Variants in ARL15 observed in about 807,000 individuals in gnomAD.
ARL15 encodes the protein ARF like GTPase 15.
In ARL15, 19 loss-of-function variants were observed where a neutral mutation model predicts 25.2. That is an observed-to-expected ratio of 0.75 (90% CI 0.53 to 1.10). The LOEUF is 1.10. Ranked by LOEUF, ARL15 falls within the 50% of genes least tolerant of loss-of-function variation. The pLI is 0.00. For synonymous variants in ARL15, 94 were observed against 86.8 expected, an observed-to-expected ratio of 1.08 and a Z score of -0.46; for missense variants, 220 against 246.0, an observed-to-expected ratio of 0.89 and a Z score of 0.71.
intron 2 of ARL15, among the ~76,000 whole-genome samples, chr5:54,170,567 G>A (rs1754686577): frequency 6.6e-6 from 1 of 152,166 alleles, no homozygotes; most frequent in Admixed American, 6.6e-5. Flanking sequence ...GTTTCTAGGA[G>A]TTGCCAATCT....
intron 1 of ARL15, among the ~76,000 whole-genome samples, chr5:54,280,880 A>G (rs1201139457): frequency 1.3e-5 from 2 of 152,110 alleles, no homozygotes; most frequent in Non-Finnish European, 2.9e-5. Context: ...TCTGATTAGA[A>G]AAGTCCTTCA....
At chr5:54,055,955 C>T (rs10052688) in intron 4 of ARL15, among the ~76,000 whole-genome samples, 3,277 of 152,196 alleles carry the variant, frequency 0.022, 94 homozygotes, top group African/African-American at 0.058. Context: ...ATGGCAGTTA[C>T]CAGAATTTGA....
chr5:53,902,537 T>A lies in ARL15; in HGVS notation c.463-15824A>T, dbSNP rs9292034. Among the ~76,000 whole-genome samples, 627 of 152,294 alleles carry A rather than the reference T, an allele frequency of 4.1e-3. 9 individuals are homozygous for A. Among genetic ancestry groups the A allele is most frequent in the African/African-American group, 0.014 (594 of 41,562 alleles). ...GTCGGGTATGAAAAAACAACAGCAGTAGTAACAAATCAAAATGTTAATATA... is the reference window on the plus strand; with the variant it reads ...GTCGGGTATGAAAAAACAACAGCAGAAGTAACAAATCAAAATGTTAATATA... On this transcript the variant is annotated intron_variant, in intron 4 of 4. Coordinates refer to ENST00000504924, the MANE Select transcript of ARL15 (RefSeq NM_019087.3).
intron 1 of ARL15, among the ~76,000 whole-genome samples, chr5:54,197,814 G>T (rs1389866082): frequency 6.6e-6 from 1 of 152,104 alleles, no homozygotes; most frequent in African/African-American, 2.4e-5. Context: ...GCATCATCCT[G>T]ATACCAAAGC....
intron 1 of ARL15, among the ~76,000 whole-genome samples, chr5:54,303,742 G>A (rs545880306): frequency 4.0e-5 from 6 of 148,262 alleles, no homozygotes; most frequent in African/African-American, 1.5e-4. Flanking sequence ...GGAGAGGGGA[G>A]GGGAGGGGAA....
At chr5:54,209,564 G>A (rs1341251838) in intron 1 of ARL15, among the ~76,000 whole-genome samples, 1 of 152,054 alleles carries the variant, frequency 6.6e-6, no homozygotes, top group African/African-American at 2.4e-5. Flanking sequence ...ATATGGACTA[G>A]AATTGAATAT....
chr5:53,901,615 GT>G (rs34921649), intron 4 of ARL15, among the ~76,000 whole-genome samples: 8 of 76,264 alleles, frequency 1.0e-4, no homozygotes, highest in South Asian at 4.4e-4. Flanking sequence ...ATTCTTTTAA[GT>G]TTTTTTTTTA....
At chr5:54,166,937 C>T (rs779567998) in intron 2 of ARL15, among the ~76,000 whole-genome samples, 1 of 141,078 alleles carries the variant, frequency 7.1e-6, no homozygotes, top group Non-Finnish European at 1.5e-5. Context: ...AAATCCTATA[C>T]AGCTTTGTGC....
At chr5:54,304,693 T>C (rs1219567512) in intron 1 of ARL15, among the ~76,000 whole-genome samples, 1 of 152,228 alleles carries the variant, frequency 6.6e-6, no homozygotes, top group East Asian at 1.9e-4. Flanking sequence ...TTTTATCTTA[T>C]AAATTATTAA....
intron 1 of ARL15, among the ~76,000 whole-genome samples, chr5:54,192,954 G>GAGTATGT (rs1755447922): frequency 6.6e-6 from 1 of 152,096 alleles, no homozygotes; most frequent in African/African-American, 2.4e-5. Flanking sequence ...TATGTATGTA[G>GAGTATGT]GTCCAGTGAC....
At position 54,018,223 on chromosome 5, in the gene ARL15, A is replaced by G. The variant is rs532511018; in HGVS notation, c.462+94979T>C. Among the ~76,000 whole-genome samples, 10 of 152,246 alleles carry G rather than the reference A, an allele frequency of 6.6e-5. No homozygotes were observed. The South Asian group carries it at 2.1e-3, about 32-fold the overall frequency. ...CAAATGCACATTTTTTTTTCTGTGAATTTCACTTTAAAGGTTTAGTGGATT... is the reference window on the plus strand; with the variant it reads ...CAAATGCACATTTTTTTTTCTGTGAGTTTCACTTTAAAGGTTTAGTGGATT... On this transcript the variant is annotated intron_variant, in intron 4 of 4. Transcript: ENST00000504924.
chr5:54,006,972 T>A (rs1272528485), intron 4 of ARL15, among the ~76,000 whole-genome samples: 1 of 152,080 alleles, frequency 6.6e-6, no homozygotes, highest in Non-Finnish European at 1.5e-5. Flanking sequence ...ATGCCTGTAA[T>A]CCCAGCTACT....
At chr5:54,240,246 A>C (rs1315807290) in intron 1 of ARL15, among the ~76,000 whole-genome samples, 5 of 136,798 alleles carry the variant, frequency 3.7e-5, no homozygotes, top group East Asian at 2.0e-4. Flanking sequence ...AAAAAAAAAA[A>C]CACATCGCCA....
At chr5:54,228,271 T>C (rs1015680326) in intron 1 of ARL15, among the ~76,000 whole-genome samples, 5 of 152,170 alleles carry the variant, frequency 3.3e-5, no homozygotes, top group Admixed American at 2.6e-4. Flanking sequence ...ACAAGCCACA[T>C]TTTATCACAG....
intron 1 of ARL15, among the ~76,000 whole-genome samples, chr5:54,289,620 T>C (rs540747982): frequency 7.2e-6 from 1 of 139,288 alleles, no homozygotes; most frequent in South Asian, 2.1e-4. Flanking sequence ...TAAGAGCAAA[T>C]CTAACAGCTT....
intron 4 of ARL15, among the ~76,000 whole-genome samples, chr5:53,972,363 T>G (rs1747781908): frequency 1.3e-5 from 2 of 152,186 alleles, no homozygotes. Flanking sequence ...TTATTTTAGT[T>G]TGTTCCCCAG....
intron 1 of ARL15, chr5:54,308,057 C>T (rs1283181651): frequency 1.3e-5 from 2 of 152,140 alleles, no homozygotes; most frequent in Non-Finnish European, 1.5e-5. Context: ...AAACGCCACA[C>T]AGAGTATGCA....
At chr5:54,294,081 T>C (rs958384613) in intron 1 of ARL15, among the ~76,000 whole-genome samples, 2 of 152,170 alleles carry the variant, frequency 1.3e-5, no homozygotes, top group Middle Eastern at 3.2e-3. Flanking sequence ...TCCCAAACTG[T>C]CTTGCTCTTC....
At chr5:54,050,971 C>A (rs1750686397) in intron 4 of ARL15, among the ~76,000 whole-genome samples, 1 of 152,130 alleles carries the variant, frequency 6.6e-6, no homozygotes, top group Non-Finnish European at 1.5e-5. Flanking sequence ...AACTGTAAGT[C>A]ATATAACTAG....
Sources: allele counts gnomAD v4.1 joint callset (sites outside exome capture counted in the v4.1 genomes callset), GRCh38; gene constraint gnomAD v4.1.1; transcripts MANE v1.5; gene names NCBI Gene and HGNC (gene_info 2026-07-23, HGNC 2026-07-21).